OSBP: variants seen among roughly 807,000 people sequenced by gnomAD.
OSBP encodes the protein oxysterol-binding protein 1.
Under a neutral mutation model 96.6 loss-of-function variants are expected in OSBP, and 32 were observed. That is an observed-to-expected ratio of 0.33 (90% CI 0.25 to 0.45). OSBP has a LOEUF of 0.45. Among genes scored for constraint, OSBP ranks in the 20% least tolerant of loss-of-function variants. The pLI, the probability that OSBP is intolerant of heterozygous loss-of-function variation, is 1.00. For missense variants in OSBP, 653 were observed against 1,029.7 expected (o/e 0.63, Z 5.01); for synonymous variants, 369 against 389.6 (o/e 0.95, Z 0.62).
chr11:59,585,748 C>T (rs1860492477), intron 9 of OSBP, among the ~76,000 whole-genome samples: 2 of 152,350 alleles, frequency 1.3e-5, no homozygotes, highest in South Asian at 2.1e-4. Context: ...GGGGAAAAGA[C>T]TGAGAAATCA....
chr11:59,611,333 T>C (rs1860845015), intron 1 of OSBP, among the ~76,000 whole-genome samples: 1 of 152,156 alleles, frequency 6.6e-6, no homozygotes, highest in Admixed American at 6.5e-5. Context: ...TCATGCCCTT[T>C]TGCAGTCAGG....
intron 7 of OSBP, among the ~76,000 whole-genome samples, chr11:59,597,965 C>G (rs1323834340): frequency 6.6e-6 from 1 of 152,044 alleles, no homozygotes; most frequent in Admixed American, 6.5e-5. Flanking sequence ...CTTGGTCTCC[C>G]AAAGCGCTAG....
chr11:59,603,887 C>G (rs1239871028), intron 3 of OSBP, among the ~76,000 whole-genome samples: 1 of 152,112 alleles, frequency 6.6e-6, no homozygotes, highest in African/African-American at 2.4e-5. Context: ...AGGGCCCTCC[C>G]AGTTGTCCAA....
At chr11:59,587,120 T>G (rs1263653504) in intron 9 of OSBP, among the ~76,000 whole-genome samples, 1 of 152,126 alleles carries the variant, frequency 6.6e-6, no homozygotes, top group Non-Finnish European at 1.5e-5. Context: ...TTGCAAATCA[T>G]ATATCTGATA....
chr11:59,601,115 CAA>C (rs11405726), intron 5 of OSBP, among the ~76,000 whole-genome samples, 166 bp downstream of exon 5: 27 of 113,854 alleles, frequency 2.4e-4, no homozygotes, highest in Middle Eastern at 4.6e-3. Context: ...GATCTTGAGA[CAA>C]AAAAAAAAAA....
At chr11:59,611,855 C>T (rs1329199964) in intron 1 of OSBP, among the ~76,000 whole-genome samples, 1 of 152,242 alleles carries the variant, frequency 6.6e-6, no homozygotes, top group Non-Finnish European at 1.5e-5. Context: ...AGACACTTCA[C>T]ATAGAATACC....
At chr11:59,593,904 G>T (rs915373030) in intron 8 of OSBP, 106 bp downstream of exon 8, 1 of 1,462,600 alleles carries the variant, frequency 6.8e-7, no homozygotes, top group African/African-American at 1.4e-5. Context: ...TAAAAGCTGG[G>T]ATGACAGGGA....
rs754697250 is a variant in OSBP, at chr11:59,600,808, A to G, written c.1179+11T>C. The G allele has an allele frequency of 9.9e-6, 16 of 1,612,444 alleles. No homozygotes were observed. Among genetic ancestry groups the G allele is most frequent in the African/African-American group, 4.0e-5 (3 of 74,844 alleles). Reference sequence around the variant, plus strand: ...GTCCCTCACCTCTGAGATCTCCCATATAAGAATTACCTGTTCATCAAGGCT... The same window carrying G: ...GTCCCTCACCTCTGAGATCTCCCATGTAAGAATTACCTGTTCATCAAGGCT... On this transcript the variant is annotated intron_variant, in intron 6 of 13. Transcript: ENST00000263847.
chr11:59,582,703 G>A (rs932524561), intron 9 of OSBP, among the ~76,000 whole-genome samples: 1 of 152,138 alleles, frequency 6.6e-6, no homozygotes, highest in Non-Finnish European at 1.5e-5. Context: ...CTGAAGCAAG[G>A]GCAATTTTGT....
chr11:59,582,150 T>A (rs1860429960), intron 9 of OSBP, among the ~76,000 whole-genome samples: 1 of 152,228 alleles, frequency 6.6e-6, no homozygotes, highest in Non-Finnish European at 1.5e-5. Context: ...ATCTCTGTTA[T>A]TTACGGTGGA....
At chr11:59,605,998 C>T (rs947777798) in intron 3 of OSBP, among the ~76,000 whole-genome samples, 1 of 152,184 alleles carries the variant, frequency 6.6e-6, no homozygotes, top group African/African-American at 2.4e-5. Flanking sequence ...CATAGGAAGA[C>T]TCTCACTGCT....
chr11:59,611,053 T>C (rs1389572666), intron 1 of OSBP, among the ~76,000 whole-genome samples: 2 of 148,652 alleles, frequency 1.3e-5, no homozygotes, highest in Non-Finnish European at 3.0e-5. Flanking sequence ...GAGAATCGCT[T>C]GAACTTGAGA....
intron 7 of OSBP, among the ~76,000 whole-genome samples, chr11:59,598,552 C>T (rs895133205): frequency 1.3e-5 from 2 of 152,172 alleles, no homozygotes; most frequent in South Asian, 4.1e-4. Flanking sequence ...TTTAGCCACA[C>T]AGATTTAAGT....
intron 3 of OSBP, among the ~76,000 whole-genome samples, chr11:59,605,819 T>C (rs987123432): frequency 1.3e-5 from 2 of 152,250 alleles, no homozygotes; most frequent in Admixed American, 6.5e-5. Context: ...TCTGCTAGTA[T>C]CATTACCATT....
chr11:59,596,489 T>C (rs1211830109), intron 7 of OSBP, among the ~76,000 whole-genome samples: 1 of 152,080 alleles, frequency 6.6e-6, no homozygotes, highest in African/African-American at 2.4e-5. Flanking sequence ...ATAATGGTCA[T>C]TTTATTACTC....
At chr11:59,580,491 CAT>C (rs991270569) in intron 10 of OSBP, among the ~76,000 whole-genome samples, 32 of 152,168 alleles carry the variant, frequency 2.1e-4, no homozygotes, top group African/African-American at 7.0e-4. Context: ...TTGTATCTCA[CAT>C]GTTAGATGGC....
intron 5 of OSBP, 63 bp from the exon 6 acceptor site, chr11:59,600,936 C>G: frequency 7.2e-7 from 1 of 1,389,342 alleles, no homozygotes; most frequent in South Asian, 1.2e-5. Context: ...TGGTCCTGGA[C>G]ATTTCTTTAC....
At chr11:59,601,553 C>A (rs1420683698) in intron 4 of OSBP, 87 bp downstream of exon 4, 5 of 1,260,206 alleles carry the variant, frequency 4.0e-6, no homozygotes, top group Non-Finnish European at 5.8e-6. Context: ...GACTCATTGA[C>A]TGTGAAGAGT....
At position 59,581,494 on chromosome 11, in the gene OSBP, G is replaced by A. The variant is rs1284628712; in HGVS notation, c.1739C>T (p.Thr580Ile). 3 of 1,612,784 alleles carry A rather than the reference G, an allele frequency of 1.9e-6. No homozygotes were observed. Among genetic ancestry groups the A allele is most frequent in the Non-Finnish European group, 2.5e-6 (3 of 1,179,032 alleles). Reference protein sequence around the residue: ...GHHYTWKKVTTTVHNIIVGKL... With the variant: ...GHHYTWKKVTITVHNIIVGKL... ...GCCCACAATAATGTTGTGTACAGTT[G>A]TGGTAACTTTCTTCCAAGTGTAGTG... is the stretch of plus-strand genomic sequence containing the variant. Residue 580 changes from threonine (T) to isoleucine (I), a missense_variant, in exon 10 of 14, where the codon ACA becomes ATA. Thr to Ile is a moderately conservative substitution (Grantham distance 89). Around this residue, in one of 6 missense-constraint regions of OSBP, gnomAD observed 19 missense variants for 16.1 expected, o/e 1.18. Transcript: ENST00000263847.
Sources: gnomAD v4.1 joint callset for allele counts (sites outside exome capture counted in the v4.1 genomes callset) on GRCh38, gnomAD v4.1.1 for gene constraint, gnomAD v4.1.1 regional missense constraint, MANE v1.5 for transcripts, NCBI Gene and HGNC (gene_info 2026-07-23, HGNC 2026-07-21) for gene names.